NNT: variants seen among roughly 807,000 people sequenced by gnomAD.
NNT encodes the protein nicotinamide nucleotide transhydrogenase.
NNT carries 50 observed loss-of-function variants against 104.8 expected under a neutral mutation model. The observed-to-expected ratio is 0.48, with a 90% confidence interval of 0.38 to 0.60. The LOEUF (loss-of-function observed/expected upper bound fraction) is 0.60. Ranked by LOEUF, NNT falls within the 20% of genes least tolerant of loss-of-function variation. The probability of loss-of-function intolerance (pLI) is 0.00; values close to 1 mark genes in which losing one functional copy is unlikely to be tolerated. For synonymous variants in NNT, 461 were observed against 490.4 expected (o/e 0.94, Z 0.79); for missense variants, 1,131 against 1,330.7 (o/e 0.85, Z 2.33).
intron 4 of NNT, among the ~76,000 whole-genome samples, chr5:43,616,418 T>G (rs1008339420): frequency 8.5e-5 from 13 of 152,222 alleles, no homozygotes; most frequent in Non-Finnish European, 1.9e-4. Context: ...AGGTCAAAAA[T>G]GGTAGAATAG....
chr5:43,671,351 G>C (rs929277811), intron 17 of NNT, among the ~76,000 whole-genome samples: 4 of 152,138 alleles, frequency 2.6e-5, no homozygotes, highest in Non-Finnish European at 4.4e-5. Flanking sequence ...TATTTTGCTC[G>C]TTAGTTGATG....
intron 1 of NNT, among the ~76,000 whole-genome samples, chr5:43,605,747 C>T (rs1300151500): frequency 1.3e-5 from 2 of 151,998 alleles, no homozygotes; most frequent in African/African-American, 4.8e-5. Context: ...TCTTTCAGGG[C>T]CATTTGTATT....
At chr5:43,647,765 C>T (rs922809627) in intron 10 of NNT, among the ~76,000 whole-genome samples, 1 of 152,146 alleles carries the variant, frequency 6.6e-6, no homozygotes, top group African/African-American at 2.4e-5. Context: ...ACACAAAAGA[C>T]TGTGGATTGT....
chr5:43,646,107 C>T (rs1369760416), intron 10 of NNT, among the ~76,000 whole-genome samples: 2 of 152,000 alleles, frequency 1.3e-5, no homozygotes, highest in East Asian at 1.9e-4. Context: ...CTTGGTTTTT[C>T]AGCAACATGT....
rs1422660107 is a variant in NNT at position 43,645,381 on chromosome 5, C to T, written c.1315C>T (p.Pro439Ser). The change falls in exon 10 of 22, where the codon CCC becomes TCC. Residue 439 changes from proline (P) to serine (S), a missense_variant. By Grantham distance (74) the Pro-to-Ser change is moderately conservative. Coordinates refer to ENST00000344920, the MANE Select transcript of NNT (RefSeq NM_182977.3). ...GGATGGTAAAGTGATTTTCCCAGCT[C>T]CCACACCGAAAAATATTCCTCAAGG... ...MKDGKVIFPA[P>S]TPKNIPQGAP... 5 of 1,554,952 alleles carry T rather than the reference C, an allele frequency of 3.2e-6. No individual in the cohort carries two copies. In the African/African-American group the frequency reaches 5.5e-5, roughly 17 times the overall value.
intron 20 of NNT, 51 bp downstream of exon 20, chr5:43,700,288 G>A: frequency 7.5e-7 from 1 of 1,324,870 alleles, no homozygotes; most frequent in Admixed American, 1.7e-5. Flanking sequence ...TATGAATAAA[G>A]CAGTGCAGGT....
chr5:43,619,627 C>T (rs545058794), intron 5 of NNT, among the ~76,000 whole-genome samples: 8 of 152,212 alleles, frequency 5.3e-5, no homozygotes, highest in South Asian at 2.1e-4. Context: ...GAGCAGTTAA[C>T]GATGAGAGGT....
intron 17 of NNT, among the ~76,000 whole-genome samples, chr5:43,663,005 T>G (rs2111992224): frequency 6.6e-6 from 1 of 152,256 alleles, no homozygotes; most frequent in East Asian, 1.9e-4. Flanking sequence ...CATTACCACT[T>G]AACTATTAAC....
rs190216439 is a variant in NNT at position 43,661,109 on chromosome 5, C to T, written c.2634+1759C>T. 1.8e-3 allele frequency among the ~76,000 whole-genome samples: 270 copies of T among 151,848 alleles called. 1 individual carries two copies. The highest frequency in any genetic ancestry group is 6.2e-3 in the African/African-American group (256 of 41,516). On this transcript the variant is annotated intron_variant, in intron 17 of 21. Transcript: ENST00000344920. ...AGGATTTGATAGCCCAAATTCAAAA[C>T]AAGCTAAGGGGTTTTAAAATTAAAT... is the stretch of plus-strand genomic sequence containing the variant.
At chr5:43,667,565 G>A (rs1326001825) in intron 17 of NNT, among the ~76,000 whole-genome samples, 32 of 152,092 alleles carry the variant, frequency 2.1e-4, no homozygotes, top group Admixed American at 1.3e-3. Context: ...ATGGTTTCCA[G>A]CTTTATCCAT....
chr5:43,607,537 G>C (rs1420290225), intron 1 of NNT, among the ~76,000 whole-genome samples: 4 of 152,198 alleles, frequency 2.6e-5, no homozygotes, highest in African/African-American at 9.6e-5. Context: ...TTGCACCCAA[G>C]TGAAAATAAA....
intron 17 of NNT, among the ~76,000 whole-genome samples, chr5:43,673,443 CT>C (rs1284842175): frequency 6.6e-6 from 1 of 152,096 alleles, no homozygotes; most frequent in Non-Finnish European, 1.5e-5. Context: ...TCACTGGACT[CT>C]TTTTTTAAAA....
rs1037810132 is a variant in NNT, at chr5:43,679,263, T to C, written c.2876+1457T>C. Among the ~76,000 whole-genome samples, 4 of 152,244 alleles carry C rather than the reference T, an allele frequency of 2.6e-5. No homozygotes were observed. In the South Asian group the frequency reaches 8.3e-4, roughly 32 times the overall value. On this transcript the variant is annotated intron_variant, in intron 19 of 21. Transcript: ENST00000344920. ...CTAAAAAGAAACTGTTTTCTCTATT[T>C]AGTCCAGATGTGAAAAAGTGTAATG... is the stretch of plus-strand genomic sequence containing the variant.
At chr5:43,646,320 T>C (rs13189630) in intron 10 of NNT, among the ~76,000 whole-genome samples, 5,137 of 152,238 alleles carry the variant, frequency 0.034, 136 homozygotes, top group East Asian at 0.12. Flanking sequence ...GAATCTTTTT[T>C]TGTTGCTCAG....
intron 7 of NNT, among the ~76,000 whole-genome samples, chr5:43,632,033 T>C (rs1221132131): frequency 1.3e-5 from 2 of 148,892 alleles, no homozygotes; most frequent in Non-Finnish European, 3.0e-5. Flanking sequence ...TGGAAGAAGG[T>C]GATTTTTCTA....
chr5:43,639,032 G>A (rs910940640), intron 7 of NNT, among the ~76,000 whole-genome samples: 7 of 151,892 alleles, frequency 4.6e-5, no homozygotes, highest in African/African-American at 1.7e-4. Flanking sequence ...TTAGTCTTTG[G>A]TATTTAATTT....
chr5:43,626,391 A>C (rs1048262619), intron 6 of NNT, among the ~76,000 whole-genome samples: 1 of 152,066 alleles, frequency 6.6e-6, no homozygotes, highest in Non-Finnish European at 1.5e-5. Flanking sequence ...TCTCAGGGGG[A>C]TCATGGAACC....
Position 43,677,710 on chromosome 5 carries a change from T to G in NNT, c.2795-15T>G. 6.2e-7 allele frequency: 1 copy of G among 1,608,722 alleles called. No homozygotes were observed. The highest frequency in any genetic ancestry group is 8.5e-7 in the Non-Finnish European group (1 of 1,175,186). ...TAAAAAACACATTCTTCTGTGTTCTTAATGTTCCTTGCAGGCTATGGTCTC... is the reference window on the plus strand; with the variant it reads ...TAAAAAACACATTCTTCTGTGTTCTGAATGTTCCTTGCAGGCTATGGTCTC... On this transcript the variant is annotated splice_polypyrimidine_tract_variant and intron_variant, in intron 18 of 21. Transcript: ENST00000344920.
chr5:43,609,366 A>G lies in NNT; in HGVS notation c.151+20A>G, dbSNP rs972970853. On this transcript the variant is annotated intron_variant, in intron 2 of 21. Coordinates refer to ENST00000344920, the MANE Select transcript of NNT (RefSeq NM_182977.3). ...AACCAGGTAAAGTCTCACTTCAGTG[A>G]TTGTAAATGAAACCTTCAAGTCATA... The G allele has an allele frequency of 6.2e-7, 1 of 1,611,312 alleles. No homozygotes were observed. Among genetic ancestry groups the G allele is most frequent in the African/African-American group, 1.3e-5 (1 of 74,796 alleles).
Sources: gnomAD v4.1 joint callset for allele counts (sites outside exome capture counted in the v4.1 genomes callset) on GRCh38, gnomAD v4.1.1 for gene constraint, MANE v1.5 for transcripts, NCBI Gene and HGNC (gene_info 2026-07-23, HGNC 2026-07-21) for gene names.